OPCML: variants seen among roughly 807,000 people sequenced by gnomAD.
OPCML encodes the protein opioid binding protein/cell adhesion molecule like.
OPCML carries 13 observed loss-of-function variants against 37.8 expected under a neutral mutation model. That is an observed-to-expected ratio of 0.34 (90% CI 0.22 to 0.55). The LOEUF is 0.55. OPCML is among the 20% of genes least tolerant of loss of function. The probability of loss-of-function intolerance (pLI) is 0.91; values close to 1 mark genes in which losing one functional copy is unlikely to be tolerated. For missense variants in OPCML, 341 were observed against 435.6 expected, an observed-to-expected ratio of 0.78 and a Z score of 1.93; for synonymous variants, 176 against 168.8, an observed-to-expected ratio of 1.04 and a Z score of -0.33.
chr11:132,584,009 C>T (rs1409418822), intron 3 of OPCML, among the ~76,000 whole-genome samples: 1 of 151,988 alleles, frequency 6.6e-6, no homozygotes, highest in Non-Finnish European at 1.5e-5. Context: ...AAGAATAAAA[C>T]TCTACATAAT....
At chr11:132,574,464 G>GT (rs2096445846) in intron 3 of OPCML, among the ~76,000 whole-genome samples, 1 of 150,622 alleles carries the variant, frequency 6.6e-6, no homozygotes, top group Admixed American at 6.6e-5. Flanking sequence ...TCGTATCTTT[G>GT]TTTTCATCTG....
intron 1 of OPCML, among the ~76,000 whole-genome samples, chr11:132,984,053 T>G (rs1053908677): frequency 6.6e-6 from 1 of 152,184 alleles, no homozygotes; most frequent in Non-Finnish European, 1.5e-5. Context: ...AACTAAGTTT[T>G]ACAGAAGAGT....
rs79174882 is a variant in OPCML, at chr11:132,966,219, G to A, written c.62-23209C>T. On this transcript the variant is annotated intron_variant, in intron 1 of 7. Transcript: ENST00000524381. ...GCTTTAACTGTGTTTTGTATGTTTC[G>A]CTATGTTGTGTCTTTAGTTTCATAC... 5.2e-3 allele frequency among the ~76,000 whole-genome samples: 788 copies of A among 151,808 alleles called. 4 individuals are homozygous for A. Among genetic ancestry groups the A allele is most frequent in the African/African-American group, 0.018 (757 of 41,446 alleles).
intron 2 of OPCML, among the ~76,000 whole-genome samples, chr11:132,776,237 G>C (rs775310102): frequency 6.6e-6 from 1 of 152,218 alleles, no homozygotes; most frequent in South Asian, 2.1e-4. Flanking sequence ...GCTGCATCCT[G>C]TTTCTTTCAG....
chr11:132,434,603 G>A (rs932991193), intron 7 of OPCML, among the ~76,000 whole-genome samples: 1 of 152,168 alleles, frequency 6.6e-6, no homozygotes, highest in Non-Finnish European at 1.5e-5. Flanking sequence ...CCTGTAAAAT[G>A]GGGTTAATAA....
chr11:132,483,429 A>G (rs925854736), intron 4 of OPCML, among the ~76,000 whole-genome samples: 4 of 152,192 alleles, frequency 2.6e-5, no homozygotes, highest in Admixed American at 6.5e-5. Flanking sequence ...ATACAAACAA[A>G]TGGAAGAACA....
intron 1 of OPCML, among the ~76,000 whole-genome samples, chr11:133,436,068 A>G (rs920968546): frequency 6.6e-6 from 1 of 152,254 alleles, no homozygotes; most frequent in Non-Finnish European, 1.5e-5. Context: ...AAATGTAGTC[A>G]CAAAATACTC....
intron 2 of OPCML, among the ~76,000 whole-genome samples, chr11:132,821,318 C>T (rs1189009398): frequency 6.6e-6 from 1 of 152,192 alleles, no homozygotes; most frequent in Non-Finnish European, 1.5e-5. Context: ...CAAGGCAGAG[C>T]ACAGGCTCCT....
chr11:132,874,351 T>C (rs1020221826), intron 2 of OPCML, among the ~76,000 whole-genome samples: 24 of 152,118 alleles, frequency 1.6e-4, no homozygotes, highest in Middle Eastern at 3.4e-3. Context: ...AAAATAATCA[T>C]TGAAATGATC....
chr11:133,430,832 ATAT>A (rs1291690519), intron 1 of OPCML, among the ~76,000 whole-genome samples: 2 of 152,208 alleles, frequency 1.3e-5, no homozygotes, highest in Admixed American at 6.5e-5. Context: ...CCTTCTTAAA[ATAT>A]TATCAGAAGT....
At chr11:133,143,699 T>C (rs1565470703) in intron 1 of OPCML, among the ~76,000 whole-genome samples, 1 of 152,170 alleles carries the variant, frequency 6.6e-6, no homozygotes, top group Non-Finnish European at 1.5e-5. Context: ...CCATTTTCCT[T>C]GTCGGGTAAA....
At chr11:132,651,939 G>T (rs1941449112) in intron 3 of OPCML, among the ~76,000 whole-genome samples, 1 of 152,132 alleles carries the variant, frequency 6.6e-6, no homozygotes, top group Non-Finnish European at 1.5e-5. Context: ...AACAAGGCAG[G>T]AAAGCAGGTA....
At chr11:132,511,213 A>C (rs181932776) in intron 4 of OPCML, among the ~76,000 whole-genome samples, 3 of 152,268 alleles carry the variant, frequency 2.0e-5, no homozygotes, top group Admixed American at 2.0e-4. Context: ...ATAATCATTC[A>C]AAAATATGAC....
intron 1 of OPCML, among the ~76,000 whole-genome samples, chr11:133,397,022 G>T (rs555568796): frequency 2.6e-5 from 4 of 152,134 alleles, no homozygotes; most frequent in African/African-American, 9.7e-5. Context: ...CCTCAACAAC[G>T]TGCACATAGT....
At chr11:133,029,807 A>G (rs1054183421) in intron 1 of OPCML, among the ~76,000 whole-genome samples, 1 of 152,126 alleles carries the variant, frequency 6.6e-6, no homozygotes, top group African/African-American at 2.4e-5. Flanking sequence ...AAACCTCAGC[A>G]TCACGCTATA....
chr11:132,782,797 G>C (rs973980184), intron 2 of OPCML, among the ~76,000 whole-genome samples: 4 of 150,840 alleles, frequency 2.7e-5, no homozygotes, highest in Non-Finnish European at 5.9e-5. Flanking sequence ...ACATTGACTC[G>C]ATAGACAGTA....
At chr11:132,801,872 A>G (rs1938672750) in intron 2 of OPCML, among the ~76,000 whole-genome samples, 1 of 152,190 alleles carries the variant, frequency 6.6e-6, no homozygotes, top group South Asian at 2.1e-4. Context: ...AAGCAATTAC[A>G]TTTTGAATTA....
intron 2 of OPCML, among the ~76,000 whole-genome samples, chr11:132,685,613 A>C (rs1352003249): frequency 6.6e-6 from 1 of 152,292 alleles, no homozygotes; most frequent in East Asian, 1.9e-4. Flanking sequence ...AAGGAGTTAT[A>C]ATTGGATTTT....
intron 1 of OPCML, among the ~76,000 whole-genome samples, chr11:133,138,451 C>A (rs758485539): frequency 9.9e-5 from 15 of 152,188 alleles, no homozygotes; most frequent in Non-Finnish European, 1.8e-4. Flanking sequence ...CCCTCCTCCT[C>A]CATATATAGA....
Sources: allele counts gnomAD v4.1 joint callset (sites outside exome capture counted in the v4.1 genomes callset), GRCh38; gene constraint gnomAD v4.1.1; transcripts MANE v1.5; gene names NCBI Gene and HGNC (gene_info 2026-07-23, HGNC 2026-07-21).